CLSTN2: variants seen among roughly 807,000 people sequenced by gnomAD.
The protein encoded by CLSTN2 is calsyntenin 2, also known as calsyntenin-2.
CLSTN2 carries 48 observed loss-of-function variants against 101.2 expected under a neutral mutation model. The observed-to-expected ratio is 0.47, with a 90% confidence interval of 0.38 to 0.60. The LOEUF (loss-of-function observed/expected upper bound fraction) is 0.60. Ranked by LOEUF, CLSTN2 falls within the 20% of genes least tolerant of loss-of-function variation. The pLI is 0.00. For synonymous variants in CLSTN2, 481 were observed against 463.6 expected (o/e 1.04, Z -0.48); for missense variants, 1,160 against 1,238.2 (o/e 0.94, Z 0.95).
chr3:140,181,762 T>C (rs565052584), intron 2 of CLSTN2, among the ~76,000 whole-genome samples: 4 of 152,118 alleles, frequency 2.6e-5, no homozygotes, highest in Non-Finnish European at 4.4e-5. Flanking sequence ...GGGGAACAGG[T>C]AGGTCAGCTA....
chr3:140,285,880 G>A (rs1052336950), intron 2 of CLSTN2, among the ~76,000 whole-genome samples: 5 of 152,134 alleles, frequency 3.3e-5, no homozygotes, highest in Non-Finnish European at 7.3e-5. Flanking sequence ...CTGGACAAAC[G>A]GTTACAAGTA....
chr3:140,074,547 G>A (rs933086439), intron 1 of CLSTN2, among the ~76,000 whole-genome samples: 17 of 152,124 alleles, frequency 1.1e-4, no homozygotes, highest in African/African-American at 2.4e-4. Flanking sequence ...ATTATACTAC[G>A]TTAACAGAGG....
At chr3:140,501,724 C>T (rs1484093731) in intron 8 of CLSTN2, among the ~76,000 whole-genome samples, 1 of 152,202 alleles carries the variant, frequency 6.6e-6, no homozygotes, top group Admixed American at 6.5e-5. Context: ...AATTCTCATC[C>T]AATAAATGAT....
chr3:140,102,630 A>G (rs1034535019), intron 1 of CLSTN2, among the ~76,000 whole-genome samples: 13 of 152,204 alleles, frequency 8.5e-5, no homozygotes, highest in African/African-American at 2.9e-4. Flanking sequence ...GTCTTCTATG[A>G]CCTACATGAC....
chr3:140,238,267 T>G (rs1011145995), intron 2 of CLSTN2, among the ~76,000 whole-genome samples: 3 of 152,188 alleles, frequency 2.0e-5, no homozygotes, highest in Non-Finnish European at 4.4e-5. Context: ...GACTTTTCAG[T>G]GCTCTCTGGA....
At chr3:140,127,509 C>T (rs1433469611) in intron 1 of CLSTN2, among the ~76,000 whole-genome samples, 2 of 152,096 alleles carry the variant, frequency 1.3e-5, no homozygotes, top group African/African-American at 4.8e-5. Context: ...CAACTGACGA[C>T]AGGGGCGGTG....
intron 8 of CLSTN2, among the ~76,000 whole-genome samples, chr3:140,513,583 CTT>C (rs55778787): frequency 5.9e-5 from 7 of 117,768 alleles, no homozygotes; most frequent in Admixed American, 2.8e-4. Flanking sequence ...TTTTTTCTTT[CTT>C]TTTTTTTTTT....
intron 2 of CLSTN2, among the ~76,000 whole-genome samples, chr3:140,391,451 C>T (rs1051802257): frequency 6.6e-6 from 1 of 152,076 alleles, no homozygotes; most frequent in South Asian, 2.1e-4. Context: ...TCATCCACAG[C>T]AGAGGCTGAA....
At position 140,152,315 on chromosome 3, in the gene CLSTN2, G is replaced by A. The variant is rs544859780; in HGVS notation, c.110-23636G>A. On this transcript the variant is annotated intron_variant, in intron 1 of 16. Transcript: ENST00000458420. The stretch of plus-strand genomic sequence containing the variant: ...CCAGTGACTTTTTCTCTCCTTTCTC[G>A]TTTCCCATGCTGTTCTCTCTTCCTG... Among the ~76,000 whole-genome samples, 193 of 150,820 alleles carry A rather than the reference G, an allele frequency of 1.3e-3. 1 individual carries two copies. The highest frequency in any genetic ancestry group is 2.2e-3 in the Non-Finnish European group (152 of 67,858).
At chr3:140,454,927 A>T (rs1933359554) in intron 6 of CLSTN2, among the ~76,000 whole-genome samples, 1 of 152,190 alleles carries the variant, frequency 6.6e-6, no homozygotes, top group Non-Finnish European at 1.5e-5. Flanking sequence ...CTACCACCAC[A>T]AAGTCCCAGC....
rs141541827 is a variant in CLSTN2, at chr3:140,246,340, T to A, written c.232+70267T>A. 4.6e-5 allele frequency among the ~76,000 whole-genome samples: 7 copies of A among 152,270 alleles called. No homozygotes were observed. The East Asian group carries it at 1.4e-3, about 29-fold the overall frequency. ...GAGCGTTCCTGGTAAATAACTGTGGTTCTTAGTGGCCAGTTGCTACTGGGG... is the reference window on the plus strand; with the variant it reads ...GAGCGTTCCTGGTAAATAACTGTGGATCTTAGTGGCCAGTTGCTACTGGGG... On this transcript the variant is annotated intron_variant, in intron 2 of 16. Coordinates refer to ENST00000458420, the MANE Select transcript of CLSTN2 (RefSeq NM_022131.3).
chr3:140,037,340 T>C (rs1242457208), intron 1 of CLSTN2, among the ~76,000 whole-genome samples: 1 of 152,160 alleles, frequency 6.6e-6, no homozygotes, highest in Non-Finnish European at 1.5e-5. Flanking sequence ...GATAAGGACC[T>C]CTTTTTTCCC....
chr3:140,012,283 A>C (rs1266146155), intron 1 of CLSTN2, among the ~76,000 whole-genome samples: 1 of 152,188 alleles, frequency 6.6e-6, no homozygotes, highest in Non-Finnish European at 1.5e-5. Flanking sequence ...TATGAAAGAA[A>C]GGGGAGGGAG....
intron 1 of CLSTN2, among the ~76,000 whole-genome samples, chr3:140,027,162 A>G (rs1172997155): frequency 6.6e-6 from 1 of 152,260 alleles, no homozygotes; most frequent in Non-Finnish European, 1.5e-5. Flanking sequence ...GTGGAGGGGC[A>G]GGAGAAATGG....
chr3:140,548,647 G>C (rs1036422454), intron 10 of CLSTN2, among the ~76,000 whole-genome samples: 2 of 152,228 alleles, frequency 1.3e-5, no homozygotes, highest in African/African-American at 4.8e-5. Context: ...AGAGAGGGCT[G>C]AGGAATAGCA....
At chr3:140,067,051 G>A in intron 1 of CLSTN2, among the ~76,000 whole-genome samples, 1 of 152,196 alleles carries the variant, frequency 6.6e-6, no homozygotes, top group East Asian at 1.9e-4. Flanking sequence ...GTGATCTCAT[G>A]ATGGATGATA....
intron 2 of CLSTN2, among the ~76,000 whole-genome samples, chr3:140,193,261 G>GTTTTTTTTTTTTT (rs367933711): frequency 2.3e-5 from 2 of 87,442 alleles, no homozygotes; most frequent in African/African-American, 4.4e-5. Flanking sequence ...CTTTTTTATA[G>GTTTTTTTTTTTTT]TTTTTTTTTT....
At position 140,139,869 on chromosome 3, in the gene CLSTN2, C is replaced by T. The variant is rs149024214; in HGVS notation, c.110-36082C>T. On this transcript the variant is annotated intron_variant, in intron 1 of 16. Coordinates refer to ENST00000458420, the MANE Select transcript of CLSTN2 (RefSeq NM_022131.3). ...GTCCCAAATGATCTTGGTTATATCACGACTTGCCTGGACACTGGACACTTC... is the reference window on the plus strand; with the variant it reads ...GTCCCAAATGATCTTGGTTATATCATGACTTGCCTGGACACTGGACACTTC... Among the ~76,000 whole-genome samples the T allele has an allele frequency of 7.2e-5, 11 of 152,304 alleles. No individual in the cohort carries two copies. The East Asian group carries it at 1.7e-3, about 24-fold the overall frequency.
At chr3:140,076,689 T>C (rs1306772311) in intron 1 of CLSTN2, among the ~76,000 whole-genome samples, 1 of 135,640 alleles carries the variant, frequency 7.4e-6, no homozygotes, top group Non-Finnish European at 1.5e-5. Context: ...TCTGAAGTCT[T>C]CCCTGGCCAC....
Sources: allele counts gnomAD v4.1 joint callset (sites outside exome capture counted in the v4.1 genomes callset), GRCh38; gene constraint gnomAD v4.1.1; transcripts MANE v1.5; gene names NCBI Gene and HGNC (gene_info 2026-07-23, HGNC 2026-07-21).